The following PAPPA2 variants were observed in gnomAD, a reference collection of about 807,000 sequenced individuals.
PAPPA2 encodes pappalysin-2.
In PAPPA2, 86 loss-of-function variants were observed where a neutral mutation model predicts 176.4. The ratio of observed to expected loss-of-function variants is 0.49; its 90% CI spans 0.41 to 0.58. PAPPA2 has a LOEUF of 0.58. PAPPA2 is among the 20% of genes least tolerant of loss of function. PAPPA2 has a pLI of 0.00. For synonymous variants in PAPPA2, 809 were observed against 852.2 expected (o/e 0.95, Z 0.88); for missense variants, 2,073 against 2,256.9 (o/e 0.92, Z 1.65).
chr1:176,588,724 A>C (rs537070824), intron 2 of PAPPA2, among the ~76,000 whole-genome samples: 8 of 152,172 alleles, frequency 5.3e-5, no homozygotes, highest in African/African-American at 1.7e-4. Flanking sequence ...CATAATGTCC[A>C]TGGTAAGTCA....
At chr1:176,521,114 CAGAGAG>C (rs61314398) in intron 1 of PAPPA2, among the ~76,000 whole-genome samples, 3 of 148,564 alleles carry the variant, frequency 2.0e-5, no homozygotes, top group African/African-American at 4.9e-5. Flanking sequence ...GAGACAGAGA[CAGAGAG>C]AGAGAGAGAG....
chr1:176,533,198 A>G (rs1277717152), intron 1 of PAPPA2, among the ~76,000 whole-genome samples: 4 of 152,236 alleles, frequency 2.6e-5, no homozygotes, highest in African/African-American at 7.2e-5. Context: ...AACTTTGCAC[A>G]TTGCCAGAGG....
At chr1:176,734,913 A>T (rs902415658) in intron 12 of PAPPA2, among the ~76,000 whole-genome samples, 1 of 152,170 alleles carries the variant, frequency 6.6e-6, no homozygotes, top group African/African-American at 2.4e-5. Flanking sequence ...CTAAGAGATT[A>T]TGTGACTTTA....
chr1:176,479,516 G>T (rs1652287810), intron 1 of PAPPA2, among the ~76,000 whole-genome samples: 1 of 152,210 alleles, frequency 6.6e-6, no homozygotes, highest in Non-Finnish European at 1.5e-5. Context: ...ACTGCCTTGG[G>T]AAGGGAGAGG....
chr1:176,486,238 G>A (rs564268597), intron 1 of PAPPA2, among the ~76,000 whole-genome samples: 2 of 152,296 alleles, frequency 1.3e-5, no homozygotes, highest in African/African-American at 2.4e-5. Flanking sequence ...TAATCCTTAT[G>A]CCAAAGTAGC....
chr1:176,690,986 C>A (rs1660097636), intron 5 of PAPPA2: 2 of 985,114 alleles, frequency 2.0e-6, no homozygotes, highest in African/African-American at 1.7e-5. Context: ...TGCCTACCAC[C>A]CTTTCCCCAC....
chr1:176,467,553 C>T (rs938006791), intron 1 of PAPPA2, among the ~76,000 whole-genome samples: 7 of 152,184 alleles, frequency 4.6e-5, no homozygotes, highest in Non-Finnish European at 5.9e-5. Context: ...GTCTTGTCAC[C>T]TCAGCTGTTT....
intron 4 of PAPPA2, among the ~76,000 whole-genome samples, chr1:176,677,099 T>C (rs143830879): frequency 1.1e-4 from 16 of 152,288 alleles, no homozygotes; most frequent in Admixed American, 9.8e-4. Context: ...TGTGTTCTTA[T>C]TTATTTCTTC....
At chr1:176,481,276 A>G (rs1006352544) in intron 1 of PAPPA2, among the ~76,000 whole-genome samples, 1 of 150,532 alleles carries the variant, frequency 6.6e-6, no homozygotes, top group African/African-American at 2.5e-5. Context: ...ACACACACAC[A>G]CACACACACA....
intron 4 of PAPPA2, 145 bp from the exon 5 acceptor site, chr1:176,689,992 A>G: frequency 1.4e-6 from 1 of 724,462 alleles, no homozygotes; most frequent in Admixed American, 2.8e-5. Flanking sequence ...AAGAAAGAAA[A>G]GCAATGACTG....
chr1:176,516,567 T>C (rs1648924952), intron 1 of PAPPA2, among the ~76,000 whole-genome samples: 2 of 152,144 alleles, frequency 1.3e-5, no homozygotes, highest in Non-Finnish European at 2.9e-5. Context: ...ATGAATGATA[T>C]CAGTGCCCTT....
chr1:176,631,719 A>G (rs898585981), intron 3 of PAPPA2, among the ~76,000 whole-genome samples: 2 of 152,140 alleles, frequency 1.3e-5, no homozygotes, highest in African/African-American at 4.8e-5. Flanking sequence ...AGCGGGTAAG[A>G]GTGAATGGAA....
rs374906515 is a variant in PAPPA2, at chr1:176,594,524, G to A, written c.920G>A (p.Gly307Asp). The A allele has an allele frequency of 9.5e-5, 153 of 1,610,608 alleles. 1 individual carries two copies. The highest frequency in any genetic ancestry group is 1.2e-4 in the Non-Finnish European group (141 of 1,177,704). Residue 307 changes from glycine to aspartate, a missense_variant and splice_region_variant, in exon 3 of 23, where the codon GGT becomes GAT. By Grantham distance (94) the Gly-to-Asp change is moderately conservative. Around this residue, in one of 4 missense-constraint regions of PAPPA2, gnomAD observed 1,196 missense variants for 1,330.4 expected, o/e 0.90. Coordinates refer to ENST00000367662, the MANE Select transcript of PAPPA2 (RefSeq NM_020318.3). ...CCCTCGATTCTTCCTTCTTTCCCAG[G>A]TGTGTTTGATAACTGCTCCCACACT... ...GGQNNPAIIAGVFDNCSHTVS... is the reference protein window; with the variant it reads ...GGQNNPAIIADVFDNCSHTVS...
At chr1:176,702,848 A>G (rs1347127295) in intron 9 of PAPPA2, 113 bp downstream of exon 9, 2 of 1,390,762 alleles carry the variant, frequency 1.4e-6, no homozygotes, top group African/African-American at 1.4e-5. Flanking sequence ...CAGAAGTTTC[A>G]GGAGTTTGAC....
intron 1 of PAPPA2, among the ~76,000 whole-genome samples, chr1:176,473,950 A>T (rs778920743): frequency 1.1e-4 from 17 of 152,178 alleles, no homozygotes; most frequent in Non-Finnish European, 2.2e-4. Context: ...ACATCCAGTG[A>T]GCCTAAGCTG....
At chr1:176,801,762 C>T (rs1237858656) in intron 21 of PAPPA2, among the ~76,000 whole-genome samples, 1 of 152,094 alleles carries the variant, frequency 6.6e-6, no homozygotes, top group African/African-American at 2.4e-5. Context: ...TGCATGATCT[C>T]AAGTGGGAGG....
At chr1:176,673,299 A>G (rs1659110378) in intron 4 of PAPPA2, among the ~76,000 whole-genome samples, 1 of 152,192 alleles carries the variant, frequency 6.6e-6, no homozygotes, top group Non-Finnish European at 1.5e-5. Flanking sequence ...CAATGGGTGG[A>G]CTAGAAAGTC....
At chr1:176,496,349 A>G (rs1480565809) in intron 1 of PAPPA2, among the ~76,000 whole-genome samples, 1 of 152,208 alleles carries the variant, frequency 6.6e-6, no homozygotes, top group East Asian at 1.9e-4. Context: ...TTTTACATAG[A>G]GGTTTGAGGG....
At position 176,690,125 on chromosome 1, in the gene PAPPA2, C is replaced by T. The variant is rs1573258196; in HGVS notation, c.2138-12C>T. 6.3e-7 allele frequency: 1 copy of T among 1,586,274 alleles called. No homozygotes were observed. Reference sequence around the variant, plus strand: ...CTGTGCTCTGAAAGGCTTTTCAAAACTTTCATTGCAGGTGGCATTGTCCTC... The same window carrying T: ...CTGTGCTCTGAAAGGCTTTTCAAAATTTTCATTGCAGGTGGCATTGTCCTC... On this transcript the variant is annotated splice_polypyrimidine_tract_variant and intron_variant, in intron 4 of 22. Transcript: ENST00000367662.
Sources: allele counts gnomAD v4.1 joint callset (sites outside exome capture counted in the v4.1 genomes callset), GRCh38; gene constraint gnomAD v4.1.1; regional missense constraint gnomAD v4.1.1; transcripts MANE v1.5; gene names NCBI Gene and HGNC (gene_info 2026-07-23, HGNC 2026-07-21).